RPN2: variants seen among roughly 807,000 people sequenced by gnomAD.
The protein encoded by RPN2 is dolichyl-diphosphooligosaccharide--protein glycosyltransferase subunit 2.
In RPN2, 29 loss-of-function variants were observed where a neutral mutation model predicts 71.4. That is an observed-to-expected ratio of 0.41 (90% confidence interval 0.30 to 0.55). The LOEUF (loss-of-function observed/expected upper bound fraction) is 0.55, where lower values mean the gene tolerates loss of function less well. Ranked by LOEUF, RPN2 falls within the 20% of genes least tolerant of loss-of-function variation. The pLI is 0.35. For synonymous variants in RPN2, 308 were observed against 305.0 expected (o/e 1.01, Z -0.10); for missense variants, 726 against 774.1 (o/e 0.94, Z 0.74).
chr20:37,230,119 A>G, intron 13 of RPN2, 60 bp downstream of exon 13: 1 of 1,241,274 alleles, frequency 8.1e-7, no homozygotes, highest in Non-Finnish European at 1.2e-6. Context: ...AAAGCCCTGG[A>G]CAGTGGCTCT....
intron 2 of RPN2, among the ~76,000 whole-genome samples, chr20:37,188,260 C>T (rs900643421): frequency 6.6e-6 from 1 of 152,106 alleles, no homozygotes; most frequent in Non-Finnish European, 1.5e-5. Context: ...CCTCCGCCTG[C>T]TGGGTTCAAG....
chr20:37,194,230 G>A (rs2067206710), intron 2 of RPN2, among the ~76,000 whole-genome samples: 1 of 149,172 alleles, frequency 6.7e-6, no homozygotes, highest in Admixed American at 6.8e-5. Context: ...AGGTGGCACT[G>A]GAGGGGAGAG....
chr20:37,201,608 C>T, intron 4 of RPN2, among the ~76,000 whole-genome samples: 1 of 152,190 alleles, frequency 6.6e-6, no homozygotes, highest in East Asian at 1.9e-4. Flanking sequence ...GTGTTCAAAT[C>T]CATTCTTCTA....
intron 6 of RPN2, 81 bp from the exon 7 acceptor site, chr20:37,207,192 G>A: frequency 8.9e-7 from 1 of 1,127,750 alleles, no homozygotes; most frequent in Admixed American, 1.7e-5. Flanking sequence ...AAACAGATAA[G>A]GGTGACTTTC....
At chr20:37,234,119 A>G in intron 15 of RPN2, 24 bp downstream of exon 15, 1 of 1,611,962 alleles carries the variant, frequency 6.2e-7, no homozygotes, top group Non-Finnish European at 8.5e-7. Flanking sequence ...GCTGCTAATT[A>G]CCTGTAACGT....
chr20:37,220,567 G>C (rs985515314), intron 9 of RPN2, among the ~76,000 whole-genome samples: 1 of 152,146 alleles, frequency 6.6e-6, no homozygotes, highest in Admixed American at 6.5e-5. Flanking sequence ...GATGTATATG[G>C]CATGTGGTGC....
chr20:37,238,033 A>G (rs771846906), intron 16 of RPN2, among the ~76,000 whole-genome samples: 3 of 152,174 alleles, frequency 2.0e-5, no homozygotes, highest in Non-Finnish European at 4.4e-5. Context: ...CTCTCAAAAA[A>G]TTAATAAAAA....
rs1277995379 is a variant in RPN2 at position 37,184,344 on chromosome 20, A to G, written c.178A>G (p.Ser60Gly). The change falls in exon 2 of 17, where the codon AGC (serine) becomes GGC (glycine). Residue 60 changes from serine to glycine, a missense_variant. Physicochemically the swap from Ser to Gly is moderately conservative, Grantham distance 56 (BLOSUM62 0). Transcript: ENST00000237530. ...SAFYSIVGLS[S>G]LGAQVPDAKK... ...CTTCTACTCCATCGTGGGACTCAGC[A>G]GCCTTGGTGCTCAGGTGCCAGATGC... is the stretch of plus-strand genomic sequence containing the variant. The G allele has an allele frequency of 1.9e-6, 3 of 1,614,182 alleles. No homozygotes were observed. The highest frequency in any genetic ancestry group is 1.1e-5 in the South Asian group (1 of 91,084).
At chr20:37,199,525 C>T (rs1249324914) in intron 4 of RPN2, among the ~76,000 whole-genome samples, 2 of 152,142 alleles carry the variant, frequency 1.3e-5, no homozygotes. Context: ...GGTTGGAGGG[C>T]TAGAGCAAGG....
At chr20:37,186,197 ATCTCTGAATTGTAAGG>A (rs1449697035) in intron 2 of RPN2, among the ~76,000 whole-genome samples, 1 of 152,182 alleles carries the variant, frequency 6.6e-6, no homozygotes, top group Non-Finnish European at 1.5e-5. Context: ...CACCTGGATA[ATCTCTGAATTGTAAGG>A]TCAGCTGACT....
chr20:37,238,456 A>G (rs1160210985), intron 16 of RPN2: 19 of 1,598,526 alleles, frequency 1.2e-5, no homozygotes, highest in Non-Finnish European at 1.6e-5. Context: ...TACGGTAAAG[A>G]TGAAGGGCGG....
At chr20:37,203,618 G>A (rs776325980) in intron 4 of RPN2, among the ~76,000 whole-genome samples, 8 of 152,056 alleles carry the variant, frequency 5.3e-5, no homozygotes, top group Non-Finnish European at 8.8e-5. Context: ...CTGGGATTAC[G>A]GGCGTGAGCC....
intron 5 of RPN2, among the ~76,000 whole-genome samples, chr20:37,204,488 G>A (rs922874515): frequency 2.0e-5 from 3 of 152,318 alleles, no homozygotes; most frequent in Non-Finnish European, 4.4e-5. Context: ...AGCAGCTGGC[G>A]TGTTCTGTGC....
rs2068265546 is a variant in RPN2 at position 37,232,176 on chromosome 20, T to TTA, written c.1582-119_1582-118dup. ...CATGCCCACTTGTTGCCAAGAGGTT[T>TTA]TAGCCTCTGGGCGGCATATCCTCTT... On this transcript the variant is annotated intron_variant, in intron 13 of 16. Transcript: ENST00000237530. 3.2e-6 allele frequency: 4 copies of TTA among 1,254,726 alleles called. No homozygotes were observed. The African/African-American group carries it at 5.9e-5, about 18-fold the overall frequency. The allele number at this position is 1,254,726 out of a possible 1,614,324, so 77.7% of individuals were successfully genotyped here.
chr20:37,214,965 T>C (rs1019423151), intron 9 of RPN2, among the ~76,000 whole-genome samples: 1 of 152,202 alleles, frequency 6.6e-6, no homozygotes, highest in Non-Finnish European at 1.5e-5. Flanking sequence ...TCCTTCTACA[T>C]TTTAAAAATT....
intron 1 of RPN2, among the ~76,000 whole-genome samples, chr20:37,182,001 A>G (rs2066894475): frequency 6.6e-6 from 1 of 152,174 alleles, no homozygotes. Context: ...TATTTTTAAC[A>G]CCTAAAGTAG....
Position 37,232,315 on chromosome 20 carries a change from A to G in RPN2, c.1601A>G (p.Glu534Gly). The stretch of plus-strand genomic sequence containing the variant: ...CGGCAGCACCTGTTCCGCGAGCCTG[A>G]GAAGAGGCCCCCCACCGTGGTGTCC... ...QEIQHLFREP[E>G]KRPPTVVSNT... Residue 534 changes from glutamate (E) to glycine (G), a missense_variant, in exon 14 of 17, where the codon GAG becomes GGG. By Grantham distance (98) the Glu-to-Gly change is moderately conservative. Transcript: ENST00000237530. 6.2e-7 allele frequency: 1 copy of G among 1,614,176 alleles called. No individual in the cohort carries two copies. The highest frequency in any genetic ancestry group is 1.3e-5 in the African/African-American group (1 of 75,046).
At position 37,236,700 on chromosome 20, in the gene RPN2, C is replaced by A. The variant is rs1332933126; in HGVS notation, c.1874C>A (p.Ala625Glu). ...GGCAATCGGATGCTGGCCCAGCAGG[C>A]AGTCAAGAGGTAAGGCCAGACATGA... is the stretch of plus-strand genomic sequence containing the variant. ...LAGNRMLAQQ[A>E]VKRTAH The change falls in exon 16 of 17, where the codon GCA becomes GAA. Residue 625 changes from alanine to glutamate, a missense_variant. Transcript: ENST00000237530. The A allele has an allele frequency of 6.2e-7, 1 of 1,613,912 alleles. No individual in the cohort carries two copies. The highest frequency in any genetic ancestry group is 8.5e-7 in the Non-Finnish European group (1 of 1,179,924).
At chr20:37,224,104 G>A in intron 10 of RPN2, 135 bp downstream of exon 10, 1 of 740,776 alleles carries the variant, frequency 1.3e-6, no homozygotes, top group Non-Finnish European at 2.4e-6. Context: ...TAAAGAGTCT[G>A]TAGTTCCACT....
Sources: allele counts gnomAD v4.1 joint callset (sites outside exome capture counted in the v4.1 genomes callset), GRCh38; gene constraint gnomAD v4.1.1; transcripts MANE v1.5; gene names NCBI Gene and HGNC (gene_info 2026-07-23, HGNC 2026-07-21).